Variants in NAV1 observed in about 807,000 individuals in gnomAD.
The protein encoded by NAV1 is neuron navigator 1.
A neutral mutation model predicts 175.2 loss-of-function variants in NAV1; 18 were observed. That is an observed-to-expected ratio of 0.10 (90% CI 0.07 to 0.15). NAV1 has a LOEUF of 0.15. NAV1 is among the 10% of genes least tolerant of loss of function. The pLI is 1.00. For synonymous variants in NAV1, 897 were observed against 978.7 expected (o/e 0.92, Z 1.56); for missense variants, 1,731 against 2,436.6 (o/e 0.71, Z 6.10).
chr1:201,575,906 G>T (rs950151942), intron 1 of NAV1, among the ~76,000 whole-genome samples: 1 of 152,068 alleles, frequency 6.6e-6, no homozygotes, highest in South Asian at 2.1e-4. Context: ...TTATTTATTC[G>T]TGCATGCTTT....
chr1:201,734,897 C>T (rs937467943), intron 3 of NAV1, among the ~76,000 whole-genome samples: 5 of 152,312 alleles, frequency 3.3e-5, no homozygotes, highest in African/African-American at 1.2e-4. Flanking sequence ...ATTACTGAGA[C>T]GGTAGCTCAC....
rs778115329 is a variant in NAV1, at chr1:201,694,703, G to T, written c.758-18114G>T. On this transcript the variant is annotated intron_variant, in intron 1 of 29. Transcript: ENST00000367296. The surrounding 1 kb of genome is among the most constrained non-coding windows in gnomAD (Gnocchi z 4.2). ...TGTTCTCTGGGCTCTGTGTTCTGTC[G>T]GTTGCTTATTCATTGAAAGTCAGGG... is the stretch of plus-strand genomic sequence containing the variant. Among the ~76,000 whole-genome samples the T allele has an allele frequency of 6.6e-6, 1 of 152,184 alleles. No homozygotes were observed. Among genetic ancestry groups the T allele is most frequent in the African/African-American group, 2.4e-5 (1 of 41,438 alleles).
At chr1:201,608,884 G>A (rs1453884402) in intron 2 of NAV1, among the ~76,000 whole-genome samples, 2 of 152,214 alleles carry the variant, frequency 1.3e-5, no homozygotes, top group African/African-American at 4.8e-5. Flanking sequence ...AGGAATGGGG[G>A]CTCAAGCACA....
chr1:201,573,443 C>T (rs969840780), intron 1 of NAV1, among the ~76,000 whole-genome samples: 2 of 152,062 alleles, frequency 1.3e-5, no homozygotes, highest in South Asian at 2.1e-4. Flanking sequence ...GCCATGTGAC[C>T]CCAGGTAAAC....
rs1302363002 is a variant in NAV1 at position 201,786,410 on chromosome 1, C to T, written c.2847-19C>T. The T allele has an allele frequency of 5.0e-6, 8 of 1,606,566 alleles. No individual in the cohort carries two copies. The highest frequency in any genetic ancestry group is 6.8e-6 in the Non-Finnish European group (8 of 1,175,874). On this transcript the variant is annotated intron_variant, in intron 8 of 29. Transcript: ENST00000367296. Reference sequence around the variant, plus strand: ...GCACTTGCTAGTCCCAGACTGAGTTCTTCTGCTGCTTCCTACAGGTACCAG... The same window carrying T: ...GCACTTGCTAGTCCCAGACTGAGTTTTTCTGCTGCTTCCTACAGGTACCAG...
In NAV1 at chr1:201,624,612, C is replaced by T. The variant is rs529812326; in HGVS notation, c.-101+1006C>T. 5.3e-5 allele frequency among the ~76,000 whole-genome samples: 8 copies of T among 152,056 alleles called. No homozygotes were observed. In the East Asian group the frequency reaches 1.5e-3, roughly 29 times the overall value. ...CCGCCCACCTCAGCCTCCCAAAGTG[C>T]TGGGATTACAGGCGTGAGCCACCGC... On this transcript the variant is annotated intron_variant, in intron 1 of 29. Transcript: ENST00000367302.
intron 28 of NAV1, among the ~76,000 whole-genome samples, chr1:201,814,955 C>T (rs943281089): frequency 4.7e-5 from 7 of 147,650 alleles, no homozygotes; most frequent in Non-Finnish European, 8.9e-5. Flanking sequence ...AGAAGAATGG[C>T]GTGAACCTGG....
At chr1:201,658,681 A>C (rs1424707792) in intron 1 of NAV1, among the ~76,000 whole-genome samples, 1 of 152,158 alleles carries the variant, frequency 6.6e-6, no homozygotes, top group Non-Finnish European at 1.5e-5. Flanking sequence ...AGACCAATCA[A>C]AGTTCGTCCC....
intron 1 of NAV1, among the ~76,000 whole-genome samples, chr1:201,675,031 CAA>C (rs35348125): frequency 3.7e-4 from 31 of 84,174 alleles, no homozygotes; most frequent in Admixed American, 6.7e-4. Context: ...GACTCTGTCT[CAA>C]AAAAAAAAAA....
chr1:201,783,393 G>T lies in NAV1; in HGVS notation c.2358-13G>T. The stretch of plus-strand genomic sequence containing the variant: ...TTCTATTATTCTAAATATTTCGTTT[G>T]ATCTTCTCTCAGGGCCACAGCGAAG... On this transcript the variant is annotated splice_polypyrimidine_tract_variant and intron_variant, in intron 6 of 29. Coordinates refer to ENST00000367296, the Ensembl canonical transcript of NAV1. The T allele has an allele frequency of 1.2e-6, 2 of 1,610,232 alleles. No homozygotes were observed.
chr1:201,576,533 G>C (rs1484802795), intron 1 of NAV1, among the ~76,000 whole-genome samples: 2 of 151,672 alleles, frequency 1.3e-5, no homozygotes, highest in African/African-American at 4.8e-5. Flanking sequence ...TTGAGCCCAG[G>C]AGTTCAAGAC....
At chr1:201,785,333 T>C in exon 8 of NAV1, 1 of 1,612,228 alleles carries the variant, frequency 6.2e-7, no homozygotes. Flanking sequence ...CGGAACACTC[T>C]TCCCAAGAAA....
At chr1:201,821,741 A>T (rs949450949) in exon 30 of NAV1, 2 of 152,220 alleles carry the variant, frequency 1.3e-5, no homozygotes, top group African/African-American at 4.8e-5. Context: ...ATTAAGATGG[A>T]GCCTGAAGGA....
chr1:201,565,102 C>T (rs540125294), intron 1 of NAV1, among the ~76,000 whole-genome samples: 3 of 152,284 alleles, frequency 2.0e-5, no homozygotes, highest in East Asian at 3.9e-4. Flanking sequence ...AGGGAATGGG[C>T]ATCTTTGGGG....
chr1:201,639,399 G>A (rs1038612540), intron 2 of NAV1, among the ~76,000 whole-genome samples: 1 of 152,190 alleles, frequency 6.6e-6, no homozygotes. Context: ...TCAATGCTTG[G>A]AGATCTGGAC....
At chr1:201,809,186 C>G in exon 21 of NAV1, 1 of 1,613,954 alleles carries the variant, frequency 6.2e-7, no homozygotes. Flanking sequence ...TGGATGGCAT[C>G]AGTACTTGTG....
intron 1 of NAV1, among the ~76,000 whole-genome samples, chr1:201,684,472 A>AG (rs1201752023): frequency 8.8e-6 from 1 of 113,036 alleles, no homozygotes; most frequent in Non-Finnish European, 1.7e-5. Flanking sequence ...TCCTTTATGC[A>AG]GCCTTTTTTT....
At chr1:201,586,994 A>G (rs192271765) in intron 1 of NAV1, among the ~76,000 whole-genome samples, 5 of 152,154 alleles carry the variant, frequency 3.3e-5, no homozygotes, top group Admixed American at 6.5e-5. Context: ...ACTTGAGCCC[A>G]GGAATCTGAG....
At position 201,810,163 on chromosome 1, in the gene NAV1, C is replaced by A; in HGVS notation, c.4561+58C>A. On this transcript the variant is annotated intron_variant, in intron 23 of 29. Transcript: ENST00000367296. The surrounding 1 kb of genome is among the most constrained non-coding windows in gnomAD (Gnocchi z 6.0). ...GGCATGAAGGCAGGGACAGGATCAT[C>A]AAATAATCCATCATGCATTCATTCA... is the stretch of plus-strand genomic sequence containing the variant. 6.3e-7 allele frequency: 1 copy of A among 1,584,182 alleles called. No homozygotes were observed. The highest frequency in any genetic ancestry group is 8.6e-7 in the Non-Finnish European group (1 of 1,160,356).
Sources: gnomAD v4.1 joint callset for allele counts (sites outside exome capture counted in the v4.1 genomes callset) on GRCh38, gnomAD v4.1.1 for gene constraint, Gnocchi (gnomAD v3.1) non-coding constraint, MANE v1.5 for transcripts, NCBI Gene and HGNC (gene_info 2026-07-23, HGNC 2026-07-21) for gene names.